The following FER1L5 variants were observed in gnomAD, a reference collection of about 807,000 sequenced individuals.
FER1L5 encodes fer-1 like family member 5, also known as fer-1-like protein 5.
FER1L5 carries 187 observed loss-of-function variants against 279.9 expected under a neutral mutation model. The observed-to-expected ratio is 0.67, with a 90% confidence interval of 0.59 to 0.75. The LOEUF (loss-of-function observed/expected upper bound fraction) is 0.75. FER1L5 is among the 30% of genes least tolerant of loss of function. The probability of loss-of-function intolerance (pLI) is 0.00; values close to 1 mark genes in which losing one functional copy is unlikely to be tolerated. For missense variants in FER1L5, 2,091 were observed against 2,594.4 expected (o/e 0.81, Z 4.21); for synonymous variants, 921 against 989.7 (o/e 0.93, Z 1.30).
chr2:96,663,399 G>C lies in FER1L5; in HGVS notation c.1072-40G>C, dbSNP rs1332918635. 3 of 1,542,534 alleles carry C rather than the reference G, an allele frequency of 1.9e-6. No individual in the cohort carries two copies. In the South Asian group the frequency reaches 3.6e-5, roughly 18 times the overall value. On this transcript the variant is annotated intron_variant, in intron 13 of 52. Coordinates refer to ENST00000624922, the MANE Select transcript of FER1L5 (RefSeq NM_001293083.2). ...GAAGGTGAGGTCAGTGGAGGGAGGA[G>C]GGGGCAGGCTGGCACCAACACTGCT... is the stretch of plus-strand genomic sequence containing the variant.
intron 14 of FER1L5, 96 bp downstream of exon 14, chr2:96,663,603 G>C: frequency 1.4e-6 from 2 of 1,379,948 alleles, no homozygotes; most frequent in Non-Finnish European, 2.0e-6. Context: ...GAGGGTGGGG[G>C]CCAAAAAGCA....
intron 23 of FER1L5, 79 bp downstream of exon 23, chr2:96,686,429 C>T: frequency 6.9e-7 from 1 of 1,441,486 alleles, no homozygotes; most frequent in Non-Finnish European, 9.3e-7. Flanking sequence ...GCAGGGCAGC[C>T]CCTATGGGGC....
chr2:96,682,675 C>G (rs1008297380), intron 19 of FER1L5, among the ~76,000 whole-genome samples: 8 of 152,198 alleles, frequency 5.3e-5, no homozygotes, highest in African/African-American at 7.2e-5. Flanking sequence ...GCAGGGACCA[C>G]TTTATTTTTA....
rs1295889041 is a variant in FER1L5, at chr2:96,695,565, G to A, written c.3798G>A (p.Val1266=). The A allele has an allele frequency of 3.1e-6, 5 of 1,593,188 alleles. No homozygotes were observed. Among genetic ancestry groups the A allele is most frequent in the Non-Finnish European group, 4.3e-6 (5 of 1,170,308 alleles). ...AGGCGAGCTCCCCCCAGCTCCTGGT[G>A]GAATTCGGGGAAGAGTCCCTGAGGA... ...MKKASSPQLL[V]EFGEESLRTE... is the part of the protein sequence containing the mutation. The change falls in exon 35 of 53, where the codon GTG becomes GTA. Residue 1266 remains valine, a synonymous_variant. Coordinates refer to ENST00000624922, the MANE Select transcript of FER1L5 (RefSeq NM_001293083.2).
intron 30 of FER1L5, 61 bp downstream of exon 30, chr2:96,692,024 G>GC (rs1000536873): frequency 3.0e-6 from 4 of 1,345,044 alleles, no homozygotes; most frequent in Admixed American, 2.0e-5. Context: ...GAGGGCGGGG[G>GC]GGGGGGACAG....
chr2:96,701,454 T>C (rs982551238), intron 45 of FER1L5, among the ~76,000 whole-genome samples: 1 of 152,210 alleles, frequency 6.6e-6, no homozygotes, highest in Admixed American at 6.5e-5. Flanking sequence ...TTCTTTCCTT[T>C]TCTCCTCCTT....
At position 96,698,665 on chromosome 2, in the gene FER1L5, C is replaced by T. The variant is rs760428701; in HGVS notation, c.4357-6C>T. On this transcript the variant is annotated splice_polypyrimidine_tract_variant and splice_region_variant and intron_variant, in intron 40 of 52. Transcript: ENST00000624922. The surrounding 1 kb of genome is among the most constrained non-coding windows in gnomAD (Gnocchi z 5.5). The stretch of plus-strand genomic sequence containing the variant: ...GGCTGGGCCCCCAACACCCTCCCCC[C>T]GCCAGGGCCTTTTCCGCATCTACCC... 7.9e-5 allele frequency: 125 copies of T among 1,578,964 alleles called. No homozygotes were observed. Among genetic ancestry groups the T allele is most frequent in the Admixed American group, 2.9e-4 (16 of 55,392 alleles).
intron 50 of FER1L5, 73 bp from the exon 51 acceptor site, chr2:96,703,450 C>T (rs1030294070): frequency 1.0e-5 from 16 of 1,606,974 alleles, no homozygotes; most frequent in Middle Eastern, 1.7e-4. Context: ...TTCTTGATCC[C>T]GGGAAGAGGT....
chr2:96,653,565 C>A, intron 7 of FER1L5, 75 bp from the exon 8 acceptor site: 1 of 1,152,862 alleles, frequency 8.7e-7, no homozygotes, highest in Non-Finnish European at 1.3e-6. Context: ...TTATTCTGAG[C>A]TTTCAGGTTT....
chr2:96,683,341 C>T (rs1333152823), intron 19 of FER1L5, among the ~76,000 whole-genome samples: 1 of 152,120 alleles, frequency 6.6e-6, no homozygotes, highest in Non-Finnish European at 1.5e-5. Flanking sequence ...TGTTCCTGGG[C>T]TCACAGCTGC....
At chr2:96,661,573 C>A in intron 11 of FER1L5, 95 bp from the exon 12 acceptor site, 4 of 1,532,700 alleles carry the variant, frequency 2.6e-6, no homozygotes, top group Non-Finnish European at 3.5e-6. Flanking sequence ...TCCCATCCCC[C>A]CTGCACCAAG....
chr2:96,668,830 A>G, intron 15 of FER1L5, 36 bp downstream of exon 15: 1 of 1,551,618 alleles, frequency 6.4e-7, no homozygotes. Flanking sequence ...CACACAGGGA[A>G]GGAAGAAATG....
chr2:96,692,154 G>A lies in FER1L5; in HGVS notation c.3265G>A (p.Val1089Met). ...CTACATCTACCAGGCCCGGAACCTG[G>A]TGTCCAATCAGATCCTGACATTCCA... ...FCYIYQARNL[V>M]SNQILTFQGP... The change falls in exon 31 of 53, where the codon GTG (valine) becomes ATG (methionine). Residue 1089 changes from valine to methionine, a missense_variant. By Grantham distance (21) the Val-to-Met change is conservative. Transcript: ENST00000624922. 1 of 1,551,718 alleles carries A rather than the reference G, an allele frequency of 6.4e-7. No individual in the cohort carries two copies. The highest frequency in any genetic ancestry group is 8.7e-7 in the Non-Finnish European group (1 of 1,146,992).
In FER1L5 at chr2:96,691,256, C is replaced by A; in HGVS notation, c.2810C>A (p.Thr937Asn). The part of the protein sequence containing the change: ...LPQVWSPVEK[T>N]YHSCRRRRWA... The stretch of plus-strand genomic sequence containing the variant: ...CAGGTCTGGAGCCCGGTGGAGAAGA[C>A]CTACCACTCGTGCCGCCGCCGGCGC... The change falls in exon 28 of 53, where the codon ACC (threonine) becomes AAC (asparagine). Residue 937 changes from threonine to asparagine, a missense_variant. Transcript: ENST00000624922. The surrounding 1 kb of genome is among the most constrained non-coding windows in gnomAD (Gnocchi z 6.0). The A allele has an allele frequency of 6.4e-7, 1 of 1,550,486 alleles. No individual in the cohort carries two copies. Among genetic ancestry groups the A allele is most frequent in the South Asian group, 1.2e-5 (1 of 84,050 alleles).
At chr2:96,692,331 C>T in intron 31 of FER1L5, 150 bp downstream of exon 31, 1 of 823,166 alleles carries the variant, frequency 1.2e-6, no homozygotes, top group East Asian at 2.7e-5. Context: ...AGCCTTGTCC[C>T]TGGGTCCTGG....
Position 96,702,360 on chromosome 2 carries a change from C to A in FER1L5, c.5214C>A (p.Asp1738Glu), listed in dbSNP as rs758540951. 33 of 1,612,996 alleles carry A rather than the reference C, an allele frequency of 2.0e-5. No homozygotes were observed. Among genetic ancestry groups the A allele is most frequent in the African/African-American group, 2.7e-5 (2 of 74,906 alleles). ...CTGCCAATGTGGACCTGGTGGATGA[C>A]AATTTAAGTAGAGAGAAGACGAGCG... ...WKTANVDLVD[D>E]NLSREKTSDI... Residue 1738 changes from aspartate to glutamate, a missense_variant, in exon 47 of 53, where the codon GAC becomes GAA. Asp to Glu is a conservative substitution (Grantham distance 45). Transcript: ENST00000624922. This position sits in a 1 kb window ranked among gnomAD's most constrained non-coding sequence, Gnocchi z 4.0.
At chr2:96,688,810 C>A (rs1161110858) in intron 24 of FER1L5, among the ~76,000 whole-genome samples, 2 of 152,072 alleles carry the variant, frequency 1.3e-5, no homozygotes, top group African/African-American at 4.8e-5. Flanking sequence ...CTCGTCACTG[C>A]AGACCCTGGG....
intron 11 of FER1L5, 54 bp downstream of exon 11, chr2:96,661,494 A>G: frequency 2.0e-6 from 3 of 1,520,386 alleles, no homozygotes; most frequent in Non-Finnish European, 2.7e-6. Context: ...TCCTGGGGGC[A>G]CCCCTGGGCC....
Position 96,703,059 on chromosome 2 carries a change from TC to T in FER1L5, c.5484del (p.Asp1829ThrfsTer4). 1 of 1,613,498 alleles carries T rather than the reference TC, an allele frequency of 6.2e-7. No homozygotes were observed. The highest frequency in any genetic ancestry group is 2.2e-5 in the East Asian group (1 of 44,858). Reference sequence around the variant, plus strand: ...CCAGGTCTGGGACAATGACATCTTCTCCCCCGACGACTTCCTAGGTGAGGTC... The same window carrying T: ...CCAGGTCTGGGACAATGACATCTTCTCCCCGACGACTTCCTAGGTGAGGTC... ...IIQVWDNDIF[S>X]PDDFLGVLEL... On this transcript the variant is annotated frameshift_variant, in exon 49 of 53. Coordinates refer to ENST00000624922, the MANE Select transcript of FER1L5 (RefSeq NM_001293083.2). LOFTEE classifies it high-confidence loss of function.
Sources: allele counts gnomAD v4.1 joint callset (sites outside exome capture counted in the v4.1 genomes callset), GRCh38; gene constraint gnomAD v4.1.1; non-coding constraint Gnocchi (gnomAD v3.1); transcripts MANE v1.5; gene names NCBI Gene and HGNC (gene_info 2026-07-23, HGNC 2026-07-21).